The following MAPK10 variants were observed in gnomAD, a reference collection of about 807,000 sequenced individuals.
MAPK10 encodes mitogen-activated protein kinase 10, also known as JNK3 alpha protein kinase.
Under a neutral mutation model 59.3 loss-of-function variants are expected in MAPK10, and 25 were observed. The observed-to-expected ratio is 0.42, with a 90% CI of 0.31 to 0.59. MAPK10 has a LOEUF of 0.59. MAPK10 is among the 20% of genes least tolerant of loss of function. The pLI, the probability that MAPK10 is intolerant of heterozygous loss-of-function variation, is 0.15. For missense variants in MAPK10, 351 were observed against 568.9 expected (o/e 0.62, Z 3.90); for synonymous variants, 190 against 200.5 (o/e 0.95, Z 0.44).
intron 2 of MAPK10, among the ~76,000 whole-genome samples, chr4:86,320,120 G>T (rs2095860596): frequency 1.3e-5 from 2 of 152,180 alleles, no homozygotes; most frequent in Admixed American, 6.5e-5. Context: ...TTACTAAGTG[G>T]CTGTATGACC....
At chr4:86,455,182 T>A (rs748230428), upstream of MAPK10, among the ~76,000 whole-genome samples, 1 of 152,134 alleles carries the variant, frequency 6.6e-6, no homozygotes, top group Non-Finnish European at 1.5e-5. Context: ...AGAACCTCTT[T>A]AATGCATACA....
intron 1 of MAPK10, among the ~76,000 whole-genome samples, chr4:86,391,739 G>C (rs1379611861): frequency 6.7e-6 from 1 of 149,100 alleles, no homozygotes; most frequent in Non-Finnish European, 1.5e-5. Context: ...GCATGAGGAG[G>C]GGAGGTTGGA....
At chr4:86,182,123 T>C (rs2149285300) in intron 3 of MAPK10, among the ~76,000 whole-genome samples, 1 of 152,184 alleles carries the variant, frequency 6.6e-6, no homozygotes, top group South Asian at 2.1e-4. Flanking sequence ...TATTCTTTTA[T>C]TGTCCAACAT....
rs140725171 is a variant in MAPK10 at position 86,035,067 on chromosome 4, G to A, written c.1111-3636C>T. On this transcript the variant is annotated intron_variant, in intron 11 of 13. Transcript: ENST00000641462. ...GAGAAGCAGAAGGGTCAGACAAAGGGTGGATCAAGGATGATCCAGGGGGCC... is the reference window on the plus strand; with the variant it reads ...GAGAAGCAGAAGGGTCAGACAAAGGATGGATCAAGGATGATCCAGGGGGCC... Among the ~76,000 whole-genome samples the A allele has an allele frequency of 5.8e-4, 89 of 152,204 alleles. 4 individuals carry two copies. In the East Asian group the frequency reaches 0.015, roughly 26 times the overall value.
At chr4:86,029,167 G>A in intron 13 of MAPK10, 30 bp downstream of exon 13, 2 of 1,459,564 alleles carry the variant, frequency 1.4e-6, no homozygotes. Flanking sequence ...ACAAGTACTA[G>A]TTTATTGGTT....
At chr4:86,320,418 G>A (rs1228366078) in intron 2 of MAPK10, among the ~76,000 whole-genome samples, 1 of 152,144 alleles carries the variant, frequency 6.6e-6, no homozygotes, top group Non-Finnish European at 1.5e-5. Context: ...TTCTATTCCA[G>A]GCTCTCAAAT....
At chr4:86,481,099 C>CT (rs2149070900) in intron 1 of MAPK10, among the ~76,000 whole-genome samples, 1 of 152,212 alleles carries the variant, frequency 6.6e-6, no homozygotes, top group Non-Finnish European at 1.5e-5. Context: ...CAGAGAATTT[C>CT]TATATTGCAA....
At chr4:86,156,709 C>A (rs1041123398) in intron 4 of MAPK10, among the ~76,000 whole-genome samples, 1 of 151,990 alleles carries the variant, frequency 6.6e-6, no homozygotes, top group Non-Finnish European at 1.5e-5. Flanking sequence ...AACAATGAAA[C>A]CCCTACTGTT....
intron 2 of MAPK10, among the ~76,000 whole-genome samples, chr4:86,251,699 G>A (rs2093445146): frequency 7.9e-6 from 1 of 127,248 alleles, no homozygotes; most frequent in Non-Finnish European, 1.6e-5. Context: ...CCAGTAATGG[G>A]ATGGCTGGGT....
intron 2 of MAPK10, among the ~76,000 whole-genome samples, chr4:86,212,159 T>TA (rs147969300): frequency 3.3e-4 from 49 of 149,066 alleles, no homozygotes; most frequent in Middle Eastern, 3.5e-3. Flanking sequence ...AGAATGGATT[T>TA]AAAAAAAAAA....
chr4:86,349,172 T>C (rs189526196), intron 2 of MAPK10, among the ~76,000 whole-genome samples: 1 of 152,296 alleles, frequency 6.6e-6, no homozygotes, highest in East Asian at 1.9e-4. Context: ...TTCTGAGAGA[T>C]TGGCAAACAA....
intron 1 of MAPK10, among the ~76,000 whole-genome samples, chr4:86,398,186 C>A (rs1743220900): frequency 6.7e-6 from 1 of 150,020 alleles, no homozygotes; most frequent in African/African-American, 2.5e-5. Flanking sequence ...GTAAAAATGC[C>A]CATAATTAGT....
In MAPK10 at chr4:86,010,497, T is replaced by C. The variant is rs1741351366; in HGVS notation, c.*6731A>G. On this transcript the variant is annotated 3_prime_UTR_variant, in exon 14 of 14. Coordinates refer to ENST00000641462, the MANE Select transcript of MAPK10 (RefSeq NM_138982.4). ...ACACCGAAGTGTCCAAGAAATGTTT[T>C]TGGAGTAAATTAATGAACTGCTTTA... 1 of 152,212 alleles carries C rather than the reference T, an allele frequency of 6.6e-6. No homozygotes were observed. The highest frequency in any genetic ancestry group is 1.5e-5 in the Non-Finnish European group (1 of 68,034). 9.4% of individuals were successfully genotyped at this position (152,212 alleles called of 1,614,324 possible).
At chr4:86,580,919 C>T (rs987390804) in intron 1 of MAPK10, among the ~76,000 whole-genome samples, 2 of 152,142 alleles carry the variant, frequency 1.3e-5, no homozygotes, top group African/African-American at 4.8e-5. Context: ...CTGATTTGAC[C>T]TGGAGTTGTG....
At chr4:86,041,947 C>T (rs927487752) in intron 11 of MAPK10, among the ~76,000 whole-genome samples, 1 of 152,178 alleles carries the variant, frequency 6.6e-6, no homozygotes, top group Non-Finnish European at 1.5e-5. Flanking sequence ...ACCATTTGAC[C>T]CGGCAATCCC....
chr4:86,072,132 G>T (rs1388860285), intron 9 of MAPK10, among the ~76,000 whole-genome samples: 2 of 150,374 alleles, frequency 1.3e-5, no homozygotes, highest in Admixed American at 1.3e-4. Context: ...GGATTCCTAG[G>T]TCTTTTATTC....
rs1035338991 is a variant in MAPK10 at position 86,534,704 on chromosome 4, G to A, written c.-263+59206C>T. 8.6e-5 allele frequency among the ~76,000 whole-genome samples: 13 copies of A among 151,976 alleles called. No homozygotes were observed. In the East Asian group the frequency reaches 1.9e-3, roughly 23 times the overall value. The stretch of plus-strand genomic sequence containing the variant: ...GCCCATCACCTGAGGTCAGGAGTTC[G>A]AGACCAGCCTGGCCAACATGGTGAA... On this transcript the variant is annotated intron_variant, in intron 1 of 4. Coordinates refer to the MAPK10 transcript ENST00000502302.
chr4:86,421,374 A>T (rs777307972), intron 1 of MAPK10, among the ~76,000 whole-genome samples: 16 of 152,206 alleles, frequency 1.1e-4, no homozygotes, highest in Non-Finnish European at 2.1e-4. Flanking sequence ...ATAAGTAAAT[A>T]AGTAAAAGCC....
upstream of MAPK10, among the ~76,000 whole-genome samples, chr4:86,362,586 C>A (rs1443693447): frequency 6.6e-6 from 1 of 151,928 alleles, no homozygotes; most frequent in Non-Finnish European, 1.5e-5. Context: ...ACATGTCCTA[C>A]AATTCAATAA....
Sources: allele counts gnomAD v4.1 joint callset (sites outside exome capture counted in the v4.1 genomes callset), GRCh38; gene constraint gnomAD v4.1.1; transcripts MANE v1.5; gene names NCBI Gene and HGNC (gene_info 2026-07-23, HGNC 2026-07-21).